The following ROBO2 variants were observed in gnomAD, a reference collection of about 807,000 sequenced individuals.
ROBO2 encodes roundabout guidance receptor 2.
ROBO2 carries 53 observed loss-of-function variants against 160.8 expected under a neutral mutation model. That is an observed-to-expected ratio of 0.33 (90% CI 0.26 to 0.41). The LOEUF is 0.41. Ranked by LOEUF, ROBO2 falls within the 10% of genes least tolerant of loss-of-function variation. The probability of loss-of-function intolerance (pLI) is 1.00; values close to 1 mark genes in which losing one functional copy is unlikely to be tolerated. For synonymous variants in ROBO2, 664 were observed against 611.7 expected (o/e 1.09, Z -1.26); for missense variants, 1,577 against 1,722.4 (o/e 0.92, Z 1.49).
At chr3:76,721,299 G>A (rs1053031168) in intron 2 of ROBO2, among the ~76,000 whole-genome samples, 2 of 151,982 alleles carry the variant, frequency 1.3e-5, no homozygotes, top group African/African-American at 4.8e-5. Flanking sequence ...GAGCTTCTGT[G>A]ATAAGAGAAA....
At chr3:76,778,223 C>T (rs1475339596) in intron 2 of ROBO2, among the ~76,000 whole-genome samples, 1 of 151,070 alleles carries the variant, frequency 6.6e-6, no homozygotes, top group Admixed American at 6.6e-5. Context: ...GAGAAAAAGG[C>T]TCACTTCACA....
intron 1 of ROBO2, among the ~76,000 whole-genome samples, chr3:77,052,043 A>G (rs1232576263): frequency 2.0e-5 from 3 of 152,176 alleles, no homozygotes; most frequent in African/African-American, 7.2e-5. Context: ...GTATGACCCC[A>G]GATTCTTCCG....
chr3:77,480,771 C>G (rs2084592583), intron 3 of ROBO2, among the ~76,000 whole-genome samples: 1 of 151,984 alleles, frequency 6.6e-6, no homozygotes, highest in Non-Finnish European at 1.5e-5. Flanking sequence ...TTTCTGATGA[C>G]AAATGACAAT....
intron 2 of ROBO2, among the ~76,000 whole-genome samples, chr3:76,046,785 T>C (rs1262105007): frequency 6.6e-6 from 1 of 151,266 alleles, no homozygotes; most frequent in Non-Finnish European, 1.5e-5. Context: ...TTATTTCATA[T>C]TGGTGTTTCT....
chr3:76,483,793 G>A (rs1577527149), intron 2 of ROBO2, among the ~76,000 whole-genome samples: 1 of 152,030 alleles, frequency 6.6e-6, no homozygotes, highest in Non-Finnish European at 1.5e-5. Flanking sequence ...TTAGCTCCCA[G>A]TTATAACTGA....
At chr3:77,141,079 A>C (rs2076662454) in intron 2 of ROBO2, among the ~76,000 whole-genome samples, 1 of 152,214 alleles carries the variant, frequency 6.6e-6, no homozygotes, top group Non-Finnish European at 1.5e-5. Flanking sequence ...CCAATGTGAT[A>C]ATTTAGGATT....
chr3:77,276,687 G>A (rs114423976), intron 2 of ROBO2, among the ~76,000 whole-genome samples: 1,666 of 152,262 alleles, frequency 0.011, 32 homozygotes, highest in African/African-American at 0.038. Context: ...AGGAGTTCAA[G>A]ACCAGCCTGG....
At chr3:76,419,180 T>G (rs1430696827) in intron 2 of ROBO2, among the ~76,000 whole-genome samples, 1 of 152,204 alleles carries the variant, frequency 6.6e-6, no homozygotes, top group Non-Finnish European at 1.5e-5. Context: ...TCAAAAATTA[T>G]GTCATCAAAT....
chr3:77,050,297 T>G (rs907368552), intron 1 of ROBO2, among the ~76,000 whole-genome samples: 14 of 152,112 alleles, frequency 9.2e-5, no homozygotes, highest in Non-Finnish European at 1.9e-4. Flanking sequence ...ATCTTAAGCA[T>G]TTCACCTTCC....
chr3:76,116,025 A>G (rs2108263483), intron 2 of ROBO2, among the ~76,000 whole-genome samples: 1 of 152,294 alleles, frequency 6.6e-6, no homozygotes, highest in South Asian at 2.1e-4. Context: ...GGTTTTAACC[A>G]AAGTTCAACA....
At chr3:77,354,379 T>A (rs530623092) in intron 2 of ROBO2, among the ~76,000 whole-genome samples, 25 of 152,330 alleles carry the variant, frequency 1.6e-4, no homozygotes, top group Admixed American at 1.0e-3. Context: ...GTTCCTTTGT[T>A]AATTTTCCTT....
At chr3:77,641,074 G>A (rs965324210) in intron 24 of ROBO2, among the ~76,000 whole-genome samples, 4 of 152,134 alleles carry the variant, frequency 2.6e-5, no homozygotes, top group African/African-American at 9.7e-5. Flanking sequence ...TAATTAATTT[G>A]CATTTATAAT....
At chr3:77,516,569 G>T (rs2153621644) in intron 5 of ROBO2, among the ~76,000 whole-genome samples, 1 of 151,582 alleles carries the variant, frequency 6.6e-6, no homozygotes, top group South Asian at 2.1e-4. Flanking sequence ...CGGAGAGAGA[G>T]AAATTATTTA....
chr3:77,337,350 A>G (rs1035414871), intron 2 of ROBO2, among the ~76,000 whole-genome samples: 4 of 152,144 alleles, frequency 2.6e-5, no homozygotes, highest in Non-Finnish European at 5.9e-5. Flanking sequence ...CTTCCTCAAG[A>G]TTAGCCCCCA....
At chr3:76,455,802 G>C (rs115656721) in intron 2 of ROBO2, among the ~76,000 whole-genome samples, 3,016 of 152,238 alleles carry the variant, frequency 0.02, 45 homozygotes, top group Non-Finnish European at 0.027. Context: ...TGTCCACGTT[G>C]ACTCATCAAT....
chr3:76,061,510 A>T (rs1255584919), intron 2 of ROBO2, among the ~76,000 whole-genome samples: 4 of 152,218 alleles, frequency 2.6e-5, no homozygotes. Flanking sequence ...GTATTTGACC[A>T]GGAGTTATAA....
At chr3:76,984,832 CATTT>C (rs1312990113) in intron 2 of ROBO2, among the ~76,000 whole-genome samples, 1 of 151,950 alleles carries the variant, frequency 6.6e-6, no homozygotes, top group African/African-American at 2.4e-5. Flanking sequence ...CACTATAATG[CATTT>C]ATTTGACATA....
At position 77,184,653 on chromosome 3, in the gene ROBO2, A is replaced by G. The variant is rs533144131; in HGVS notation, c.388+86313A>G. ...CAATGTGAGCAAAAGGTAAGAAAAT[A>G]TATGTATTTTCAATCCTTATCTGGA... On this transcript the variant is annotated intron_variant, in intron 2 of 25. Coordinates refer to ENST00000461745, the Ensembl canonical transcript of ROBO2. Among the ~76,000 whole-genome samples, 9 of 152,168 alleles carry G rather than the reference A, an allele frequency of 5.9e-5. No homozygotes were observed. The East Asian group carries it at 1.4e-3, about 23-fold the overall frequency.
At chr3:76,509,592 G>A (rs1377175089) in intron 2 of ROBO2, among the ~76,000 whole-genome samples, 4 of 152,164 alleles carry the variant, frequency 2.6e-5, no homozygotes, top group African/African-American at 9.7e-5. Context: ...TGAGTGGAAA[G>A]TGGAACAAGA....
Sources: gnomAD v4.1 joint callset for allele counts (sites outside exome capture counted in the v4.1 genomes callset) on GRCh38, gnomAD v4.1.1 for gene constraint, MANE v1.5 for transcripts, NCBI Gene and HGNC (gene_info 2026-07-23, HGNC 2026-07-21) for gene names.